AGGF1: variants seen among roughly 807,000 people sequenced by gnomAD.
AGGF1 encodes angiogenic factor with G-patch and FHA domains 1.
A neutral mutation model predicts 86.5 loss-of-function variants in AGGF1; 56 were observed. The observed-to-expected ratio is 0.65, with a 90% CI of 0.52 to 0.81. The LOEUF is 0.81. Among genes scored for constraint, AGGF1 ranks in the 30% least tolerant of loss-of-function variants. The probability of loss-of-function intolerance (pLI) is 0.00; values close to 1 mark genes in which losing one functional copy is unlikely to be tolerated. For synonymous variants in AGGF1, 313 were observed against 297.1 expected (o/e 1.05, Z -0.55); for missense variants, 816 against 850.9 (o/e 0.96, Z 0.51).
At position 77,034,429 on chromosome 5, in the gene AGGF1, C is replaced by T. The variant is rs769141163; in HGVS notation, c.222C>T (p.Leu74=). 6.2e-7 allele frequency: 1 copy of T among 1,610,122 alleles called. No homozygotes were observed. Among genetic ancestry groups the T allele is most frequent in the Non-Finnish European group, 8.5e-7 (1 of 1,176,610 alleles). The change falls in exon 2 of 14, where the codon CTC becomes CTT. Residue 74 remains leucine (L), a synonymous_variant. Transcript: ENST00000312916. ...NQELRTQVEE[L]SKILQRGRNE... is the part of the protein sequence containing the mutation. ...TTGTTTTCTCTCAGGTGGAAGAACTCAGTAAAATACTCCAACGTGGGAGAA... is the reference window on the plus strand; with the variant it reads ...TTGTTTTCTCTCAGGTGGAAGAACTTAGTAAAATACTCCAACGTGGGAGAA...
At chr5:77,049,035 ATATTAT>A in intron 8 of AGGF1, 48 bp downstream of exon 8, 1 of 1,558,168 alleles carries the variant, frequency 6.4e-7, no homozygotes, top group African/African-American at 1.4e-5. Flanking sequence ...GTAATTTTTT[ATATTAT>A]TATTACAGTA....
chr5:77,032,167 G>A (rs972445649), intron 1 of AGGF1, among the ~76,000 whole-genome samples: 2 of 148,190 alleles, frequency 1.3e-5, no homozygotes, highest in Non-Finnish European at 3.0e-5. Flanking sequence ...TGGAGTTCCT[G>A]ACATGACATT....
intron 8 of AGGF1, among the ~76,000 whole-genome samples, chr5:77,050,650 G>T (rs1017551139): frequency 2.0e-5 from 3 of 152,156 alleles, no homozygotes; most frequent in Non-Finnish European, 4.4e-5. Flanking sequence ...TTGACCACTA[G>T]ATAGAAGACT....
chr5:77,042,266 G>A (rs1314518097), intron 5 of AGGF1, among the ~76,000 whole-genome samples: 4 of 147,918 alleles, frequency 2.7e-5, no homozygotes, highest in East Asian at 2.1e-4. Flanking sequence ...CACCTTTCCC[G>A]CCTTTCTATT....
rs1310342193 is a variant in AGGF1 at position 77,045,455 on chromosome 5, TA to T, written c.871-886del. 5.5e-5 allele frequency among the ~76,000 whole-genome samples: 8 copies of T among 146,298 alleles called. No homozygotes were observed. In the East Asian group the frequency reaches 1.4e-3, roughly 25 times the overall value. On this transcript the variant is annotated intron_variant, in intron 5 of 13. Transcript: ENST00000312916. ...ATAAAAATACATCATTTTTGTTAATTAAAAAATGTTCATTTATTATAAGGCA... is the reference window on the plus strand; with the variant it reads ...ATAAAAATACATCATTTTTGTTAATTAAAAATGTTCATTTATTATAAGGCA...
At chr5:77,032,252 T>TAAAAAAAAAAAAAAAAAAA (rs35068401) in intron 1 of AGGF1, among the ~76,000 whole-genome samples, 1 of 107,880 alleles carries the variant, frequency 9.3e-6, no homozygotes, top group Non-Finnish European at 1.8e-5. Flanking sequence ...ACAAATATGG[T>TAAAAAAAAAAAAAAAAAAA]AAAAAAAAAA....
At chr5:77,034,002 T>A (rs1746918008) in intron 1 of AGGF1, among the ~76,000 whole-genome samples, 1 of 152,220 alleles carries the variant, frequency 6.6e-6, no homozygotes, top group Non-Finnish European at 1.5e-5. Flanking sequence ...AGCTTGTAAG[T>A]GGCATTAACA....
chr5:77,040,522 G>A (rs759697951), intron 5 of AGGF1, among the ~76,000 whole-genome samples: 5 of 152,018 alleles, frequency 3.3e-5, no homozygotes, highest in Admixed American at 6.5e-5. Context: ...TTAAGAAAGC[G>A]ATAGTTACAT....
chr5:77,042,109 C>T (rs1265766161), intron 5 of AGGF1, among the ~76,000 whole-genome samples: 502 of 151,932 alleles, frequency 3.3e-3, no homozygotes, highest in African/African-American at 0.011. Context: ...GCACATGTTT[C>T]AGAGAGCACA....
chr5:77,043,971 C>G (rs1434341220), intron 5 of AGGF1, among the ~76,000 whole-genome samples: 4 of 135,770 alleles, frequency 2.9e-5, no homozygotes, highest in Non-Finnish European at 6.4e-5. Context: ...CTCCCCACAT[C>G]TCAGACAATG....
chr5:77,034,671 G>A, intron 2 of AGGF1, 151 bp downstream of exon 2: 1 of 659,492 alleles, frequency 1.5e-6, no homozygotes, highest in Non-Finnish European at 2.7e-6. Flanking sequence ...GGTATTTTCG[G>A]ATAATCAATT....
Position 77,039,174 on chromosome 5 carries a change from T to G in AGGF1, c.682-357T>G, listed in dbSNP as rs370882252. ...TCATATGGTCAGCTTTTTCTTATGC[T>G]TGCTTTAGTTTTCATGCCTTTAAAA... On this transcript the variant is annotated intron_variant, in intron 4 of 13. Transcript: ENST00000312916. 2.2e-4 allele frequency among the ~76,000 whole-genome samples: 33 copies of G among 152,252 alleles called. No individual in the cohort carries two copies. The South Asian group carries it at 4.8e-3, about 22-fold the overall frequency.
chr5:77,061,887 G>C (rs777963298), intron 13 of AGGF1, 85 bp downstream of exon 13: 123 of 1,308,226 alleles, frequency 9.4e-5, no homozygotes, highest in Non-Finnish European at 1.3e-4. Context: ...TGCCTTAAGT[G>C]CTAAGAATAT....
At chr5:77,054,241 C>T (rs1747424168) in intron 10 of AGGF1, 111 bp downstream of exon 10, 1 of 1,248,856 alleles carries the variant, frequency 8.0e-7, no homozygotes, top group Non-Finnish European at 1.2e-6. Flanking sequence ...TACGATACTG[C>T]ATTGAGAGAT....
intron 5 of AGGF1, among the ~76,000 whole-genome samples, chr5:77,045,463 G>A (rs7700259): frequency 0.49 from 62,168 of 126,644 alleles, 12,950 homozygotes; most frequent in East Asian, 0.56. Context: ...ATTAAAAAAT[G>A]TTCATTTATT....
At chr5:77,045,853 G>C (rs1747237743) in intron 5 of AGGF1, among the ~76,000 whole-genome samples, 1 of 152,186 alleles carries the variant, frequency 6.6e-6, no homozygotes, top group Non-Finnish European at 1.5e-5. Flanking sequence ...GCTGTTAAGT[G>C]TAAAATACAC....
chr5:77,044,068 C>G (rs1281335942), intron 5 of AGGF1, among the ~76,000 whole-genome samples: 3 of 132,850 alleles, frequency 2.3e-5, no homozygotes, highest in African/African-American at 5.8e-5. Flanking sequence ...GGATGGCGGC[C>G]GGGCGGAGAC....
At position 77,063,522 on chromosome 5, in the gene AGGF1, C is replaced by T. The variant is rs1747605374; in HGVS notation, c.*270C>T. On this transcript the variant is annotated 3_prime_UTR_variant, in exon 14 of 14. Transcript: ENST00000312916. ...CGTTATTTTATCTTGTCATTTACAA[C>T]ATCCATATAAGCAACTAGCCATATA... The T allele has an allele frequency of 1.2e-5, 5 of 422,710 alleles. No homozygotes were observed. Among genetic ancestry groups the T allele is most frequent in the African/African-American group, 2.0e-5 (1 of 49,816 alleles). 26.2% of individuals were successfully genotyped at this position (422,710 alleles called of 1,614,324 possible).
chr5:77,061,502 G>A (rs182228402), intron 12 of AGGF1, among the ~76,000 whole-genome samples: 1 of 152,316 alleles, frequency 6.6e-6, no homozygotes, highest in East Asian at 1.9e-4. Flanking sequence ...GAACATTGTT[G>A]TATGTGTGTT....
Sources: gnomAD v4.1 joint callset for allele counts (sites outside exome capture counted in the v4.1 genomes callset) on GRCh38, gnomAD v4.1.1 for gene constraint, MANE v1.5 for transcripts, NCBI Gene and HGNC (gene_info 2026-07-23, HGNC 2026-07-21) for gene names.